The following GBE1 variants were observed in gnomAD, a reference collection of about 807,000 sequenced individuals.
The protein encoded by GBE1 is 1,4-alpha-glucan-branching enzyme.
In GBE1, 70 loss-of-function variants were observed where a neutral mutation model predicts 88.8. The ratio of observed to expected loss-of-function variants is 0.79; its 90% CI spans 0.65 to 0.96. The LOEUF (loss-of-function observed/expected upper bound fraction) is 0.96, where lower values mean the gene tolerates loss of function less well. GBE1 is among the 40% of genes least tolerant of loss of function. GBE1 has a pLI of 0.00. For missense variants in GBE1, 872 were observed against 871.0 expected, an observed-to-expected ratio of 1.00 and a Z score of -0.01; for synonymous variants, 284 against 300.1, an observed-to-expected ratio of 0.95 and a Z score of 0.56.
intron 12 of GBE1, among the ~76,000 whole-genome samples, chr3:81,545,764 A>G (rs948312285): frequency 2.0e-5 from 3 of 152,136 alleles, no homozygotes; most frequent in East Asian, 1.9e-4. Flanking sequence ...GATATAATTC[A>G]TAAGTTTTAA....
At chr3:81,590,908 A>G (rs752118920) in intron 9 of GBE1, 129 bp downstream of exon 9, 2 of 706,802 alleles carry the variant, frequency 2.8e-6, no homozygotes, top group Non-Finnish European at 4.4e-6. Context: ...AGATAGCTGC[A>G]CTATACTCAG....
rs1702417080 is a variant in GBE1, at chr3:81,490,065, A to G, written c.*342T>C. The G allele has an allele frequency of 8.3e-6, 2 of 239,798 alleles. No individual in the cohort carries two copies. Among genetic ancestry groups the G allele is most frequent in the African/African-American group, 4.7e-5 (2 of 42,968 alleles). 14.9% of individuals were successfully genotyped at this position (239,798 alleles called of 1,614,324 possible). ...CTGTGTACATTTAACAGAAATAATC[A>G]TACATGACAAATGATTCAAATTTGA... On this transcript the variant is annotated 3_prime_UTR_variant, in exon 16 of 16. Coordinates refer to ENST00000429644, the MANE Select transcript of GBE1 (RefSeq NM_000158.4).
At chr3:81,581,885 G>A (rs1243721617) in intron 10 of GBE1, among the ~76,000 whole-genome samples, 1 of 152,046 alleles carries the variant, frequency 6.6e-6, no homozygotes, top group Non-Finnish European at 1.5e-5. Flanking sequence ...GGTTAAGCTT[G>A]TGGTGTGAGC....
chr3:81,545,440 A>C (rs1703193770), intron 12 of GBE1, among the ~76,000 whole-genome samples: 1 of 152,172 alleles, frequency 6.6e-6, no homozygotes, highest in South Asian at 2.1e-4. Flanking sequence ...GAGGTACAGA[A>C]GCAAAATATA....
intron 14 of GBE1, among the ~76,000 whole-genome samples, chr3:81,500,876 G>C (rs1289725900): frequency 6.6e-6 from 1 of 152,126 alleles, no homozygotes; most frequent in Non-Finnish European, 1.5e-5. Context: ...TCAATGTTTA[G>C]CTCACACTTG....
At chr3:81,656,458 A>G (rs1298801716) in intron 3 of GBE1, among the ~76,000 whole-genome samples, 1 of 152,198 alleles carries the variant, frequency 6.6e-6, no homozygotes, top group Non-Finnish European at 1.5e-5. Flanking sequence ...CAACAACTTG[A>G]TTTCAGCCTG....
chr3:81,555,368 T>A (rs141517960), intron 12 of GBE1, among the ~76,000 whole-genome samples: 50 of 152,262 alleles, frequency 3.3e-4, no homozygotes, highest in African/African-American at 1.2e-3. Flanking sequence ...AACCATAAAC[T>A]CTTCCATATG....
At chr3:81,739,422 A>T (rs1249791162) in intron 1 of GBE1, among the ~76,000 whole-genome samples, 4 of 152,162 alleles carry the variant, frequency 2.6e-5, no homozygotes, top group Admixed American at 1.3e-4. Context: ...CATCTTAGTT[A>T]CCAGGTAAAT....
chr3:81,549,197 T>C (rs1332995787), intron 12 of GBE1, among the ~76,000 whole-genome samples: 1 of 150,816 alleles, frequency 6.6e-6, no homozygotes, highest in African/African-American at 2.4e-5. Flanking sequence ...GCCGAGCTAA[T>C]TGTTGTATTT....
chr3:81,644,023 G>C (rs1213333463), intron 6 of GBE1, among the ~76,000 whole-genome samples: 1 of 151,642 alleles, frequency 6.6e-6, no homozygotes, highest in Non-Finnish European at 1.5e-5. Flanking sequence ...CATTGAACAT[G>C]TTCAATAATA....
chr3:81,655,218 T>C lies in GBE1; in HGVS notation c.430-5297A>G, dbSNP rs187936161. Among the ~76,000 whole-genome samples the C allele has an allele frequency of 4.7e-4, 72 of 152,234 alleles. 1 individual carries two copies. The highest frequency in any genetic ancestry group is 3.5e-4 in the Non-Finnish European group (24 of 68,004). On this transcript the variant is annotated intron_variant, in intron 3 of 15. Transcript: ENST00000429644. ...ACACACAGACAGGTCTGGCTAATTG[T>C]TATTTTTAGTAGAGAAAGGGTTTCA...
chr3:81,702,281 C>A (rs557330680), intron 2 of GBE1, among the ~76,000 whole-genome samples: 11 of 151,780 alleles, frequency 7.2e-5, no homozygotes, highest in Admixed American at 2.0e-4. Context: ...TACAAAGAAA[C>A]CTTCTAAATG....
intron 1 of GBE1, among the ~76,000 whole-genome samples, chr3:81,748,019 T>A (rs754128253): frequency 1.1e-4 from 16 of 151,716 alleles, no homozygotes; most frequent in Non-Finnish European, 2.2e-4. Flanking sequence ...ACTAGGGAGG[T>A]TGAAGCAGGA....
chr3:81,725,573 G>A (rs1706099811), intron 1 of GBE1, among the ~76,000 whole-genome samples: 1 of 152,078 alleles, frequency 6.6e-6, no homozygotes, highest in Non-Finnish European at 1.5e-5. Flanking sequence ...TTAAAGTATA[G>A]TATAATAAAT....
chr3:81,715,895 TC>T (rs1224674907), intron 1 of GBE1, among the ~76,000 whole-genome samples: 1 of 152,182 alleles, frequency 6.6e-6, no homozygotes, highest in Non-Finnish European at 1.5e-5. Flanking sequence ...TTAACTACTT[TC>T]AGCAAATCAT....
rs73128780 is a variant in GBE1 at position 81,702,814 on chromosome 3, T to C, written c.313+2630A>G. 9.6e-3 allele frequency among the ~76,000 whole-genome samples: 1,465 copies of C among 152,186 alleles called. 12 individuals carry two copies. Among genetic ancestry groups the C allele is most frequent in the Non-Finnish European group, 0.011 (737 of 67,926 alleles). ...AACATTTTTTTAATTACTGTACTTT[T>C]AACAGTTAAGCATTAAGTCCAAGAA... is the stretch of plus-strand genomic sequence containing the variant. On this transcript the variant is annotated intron_variant, in intron 2 of 15. Coordinates refer to ENST00000429644, the MANE Select transcript of GBE1 (RefSeq NM_000158.4).
At chr3:81,597,595 C>T (rs912951664) in intron 7 of GBE1, among the ~76,000 whole-genome samples, 4 of 150,402 alleles carry the variant, frequency 2.7e-5, no homozygotes, top group Admixed American at 6.7e-5. Flanking sequence ...ATATTAGAAA[C>T]TAGCACTGTG....
chr3:81,611,981 C>T (rs1704187904), intron 7 of GBE1, among the ~76,000 whole-genome samples: 1 of 152,014 alleles, frequency 6.6e-6, no homozygotes, highest in South Asian at 2.1e-4. Context: ...TGGAAAAAAG[C>T]ATTTTTGACA....
intron 1 of GBE1, among the ~76,000 whole-genome samples, chr3:81,708,003 A>G (rs1318306661): frequency 1.3e-5 from 2 of 152,044 alleles, no homozygotes; most frequent in Non-Finnish European, 2.9e-5. Flanking sequence ...CGTATAACAA[A>G]TAACTACCAT....
Sources: allele counts gnomAD v4.1 joint callset (sites outside exome capture counted in the v4.1 genomes callset), GRCh38; gene constraint gnomAD v4.1.1; transcripts MANE v1.5; gene names NCBI Gene and HGNC (gene_info 2026-07-23, HGNC 2026-07-21).